PCDHGA3: variants seen among roughly 807,000 people sequenced by gnomAD.
PCDHGA3 encodes the protein protocadherin gamma-A3.
In PCDHGA3, 40 loss-of-function variants were observed where a neutral mutation model predicts 58.5. The ratio of observed to expected loss-of-function variants is 0.68; its 90% CI spans 0.53 to 0.89. PCDHGA3 has a LOEUF of 0.89. PCDHGA3 is among the 40% of genes least tolerant of loss of function. The pLI is 0.00. For missense variants in PCDHGA3, 1,223 were observed against 1,195.9 expected (o/e 1.02, Z -0.33); for synonymous variants, 530 against 525.7 (o/e 1.01, Z -0.11).
rs138542775 is a variant in PCDHGA3, at chr5:141,491,313, C to T, written c.2425-3494C>T. ...ACCCTCCTGAGCGTTCAGACCTTAC[C>T]CTTTACCTCATTGTGGCTCTAGCGA... On this transcript the variant is annotated intron_variant, in intron 1 of 3. Transcript: ENST00000253812. This position sits in a 1 kb window ranked among gnomAD's most constrained non-coding sequence, Gnocchi z 6.9. 405 of 1,614,154 alleles carry T rather than the reference C, an allele frequency of 2.5e-4. 2 individuals are homozygous for T. In the African/African-American group the frequency reaches 4.5e-3, roughly 18 times the overall value.
In PCDHGA3 at chr5:141,405,166, A is replaced by G. The variant is rs1303146593; in HGVS notation, c.2424+58709A>G. The G allele has an allele frequency of 9.3e-6, 15 of 1,613,862 alleles. No individual in the cohort carries two copies. In the East Asian group the frequency reaches 3.3e-4, roughly 36 times the overall value. On this transcript the variant is annotated intron_variant, in intron 1 of 3. Coordinates refer to ENST00000253812, the MANE Select transcript of PCDHGA3 (RefSeq NM_018916.4). Reference sequence around the variant, plus strand: ...ATGGGTTGGCTGGTGTGCCCACCTCACACTTTGTGGGTGTAGATGGGGTTC... The same window carrying G: ...ATGGGTTGGCTGGTGTGCCCACCTCGCACTTTGTGGGTGTAGATGGGGTTC...
intron 1 of PCDHGA3, chr5:141,422,453 G>GA: frequency 6.2e-7 from 1 of 1,611,704 alleles, no homozygotes. Context: ...ATAACAAGCA[G>GA]AGTGCTGGAC....
intron 1 of PCDHGA3, chr5:141,399,841 G>C: frequency 6.2e-7 from 1 of 1,613,086 alleles, no homozygotes; most frequent in Non-Finnish European, 8.5e-7. Context: ...TGCGCTCTTC[G>C]ATATGGTGCC....
intron 2 of PCDHGA3, among the ~76,000 whole-genome samples, chr5:141,504,490 TGC>T (rs2099838709): frequency 6.6e-6 from 1 of 152,056 alleles, no homozygotes; most frequent in Non-Finnish European, 1.5e-5. Flanking sequence ...TGGAGGCACC[TGC>T]CCAGTCTGAG....
chr5:141,358,805 A>G (rs1327444568), intron 1 of PCDHGA3, among the ~76,000 whole-genome samples: 1 of 152,166 alleles, frequency 6.6e-6, no homozygotes, highest in South Asian at 2.1e-4. Flanking sequence ...GACTGATATG[A>G]TTTACGCTGC....
At chr5:141,355,451 T>A (rs1759859911) in intron 1 of PCDHGA3, 3 of 1,613,958 alleles carry the variant, frequency 1.9e-6, no homozygotes, top group Non-Finnish European at 2.5e-6. Flanking sequence ...AGCGGCACCT[T>A]GGTCACCGCG....
At chr5:141,375,038 G>T in intron 1 of PCDHGA3, 1 of 1,614,038 alleles carries the variant, frequency 6.2e-7, no homozygotes, top group Non-Finnish European at 8.5e-7. Context: ...TGAGCTGGGT[G>T]TTGAAGCCCG....
intron 1 of PCDHGA3, among the ~76,000 whole-genome samples, chr5:141,453,261 A>G (rs1387512741): frequency 6.6e-6 from 1 of 152,028 alleles, no homozygotes; most frequent in Non-Finnish European, 1.5e-5. Context: ...CTGCAAGTGC[A>G]CACCACCATG....
chr5:141,393,789 G>C lies in PCDHGA3; in HGVS notation c.2424+47332G>C, dbSNP rs889575374. On this transcript the variant is annotated intron_variant, in intron 1 of 3. Transcript: ENST00000253812. ...GGAAATACAAGCCGAAGATGTGGGGGCACTTCTGGGGAGGACCAAATTGCT... is the reference window on the plus strand; with the variant it reads ...GGAAATACAAGCCGAAGATGTGGGGCCACTTCTGGGGAGGACCAAATTGCT... The C allele has an allele frequency of 1.9e-6, 3 of 1,613,840 alleles. No homozygotes were observed. The African/African-American group carries it at 4.0e-5, about 22-fold the overall frequency.
chr5:141,350,086 C>G, intron 1 of PCDHGA3: 1 of 443,952 alleles, frequency 2.3e-6, no homozygotes, highest in Non-Finnish European at 3.8e-6. Context: ...TCTGCAGGAG[C>G]GTCAGGCAGG....
At chr5:141,384,478 G>T (rs1350381914) in intron 1 of PCDHGA3, 1 of 1,613,986 alleles carries the variant, frequency 6.2e-7, no homozygotes, top group African/African-American at 1.3e-5. Flanking sequence ...GCAGTTGAGA[G>T]AACTACAACT....
Position 141,478,415 on chromosome 5 carries a change from C to A in PCDHGA3, c.2425-16392C>A, listed in dbSNP as rs182700706. 5.6e-6 allele frequency: 9 copies of A among 1,613,648 alleles called. No homozygotes were observed. In the East Asian group the frequency reaches 2.0e-4, roughly 36 times the overall value. ...TCAGGTGTATCTCACCACGGACTCC[C>A]GCCGCAGCGACCCGCTGCTGAAGAA... On this transcript the variant is annotated intron_variant, in intron 1 of 3. Coordinates refer to ENST00000253812, the MANE Select transcript of PCDHGA3 (RefSeq NM_018916.4).
At position 141,344,283 on chromosome 5, in the gene PCDHGA3, T is replaced by C. The variant is rs1757395793; in HGVS notation, c.250T>C (p.Leu84=). 1.2e-6 allele frequency: 2 copies of C among 1,613,966 alleles called. No homozygotes were observed. Among genetic ancestry groups the C allele is most frequent in the East Asian group, 2.2e-5 (1 of 44,894 alleles). Residue 84 remains leucine (L), a synonymous_variant, in exon 1 of 4, where the codon TTG becomes CTG. Coordinates refer to ENST00000253812, the MANE Select transcript of PCDHGA3 (RefSeq NM_018916.4). ...LFSLNPQSGS[L]VTAERIDREE... ...CTCTCTGAATCCGCAAAGCGGCAGC[T>C]TGGTCACCGCGGAGAGGATAGACCG...
intron 1 of PCDHGA3, chr5:141,364,463 G>C: frequency 6.2e-7 from 1 of 1,614,000 alleles, no homozygotes; most frequent in Admixed American, 1.7e-5. Context: ...AGGCTCCTTC[G>C]TCGGCAACAT....
intron 1 of PCDHGA3, chr5:141,405,448 C>A: frequency 5.3e-6 from 7 of 1,314,660 alleles, no homozygotes; most frequent in South Asian, 1.3e-5. Context: ...GAGACAGAGT[C>A]TTACTCTGTT....
chr5:141,465,210 AT>A (rs1374516492), intron 1 of PCDHGA3, among the ~76,000 whole-genome samples: 4 of 152,032 alleles, frequency 2.6e-5, no homozygotes, highest in African/African-American at 9.7e-5. Flanking sequence ...TATAAGCTTT[AT>A]TTTTCAACAT....
At chr5:141,416,687 A>G (rs1283053610) in intron 1 of PCDHGA3, 1 of 152,270 alleles carries the variant, frequency 6.6e-6, no homozygotes, top group Non-Finnish European at 1.5e-5. Flanking sequence ...GGGAAATTAT[A>G]TAAACAAAGG....
At chr5:141,351,779 AGCGGGGTGGTG>A (rs755558848) in intron 1 of PCDHGA3, 1 of 1,613,332 alleles carries the variant, frequency 6.2e-7, no homozygotes, top group African/African-American at 1.3e-5. Flanking sequence ...GAGCCCGCAG[AGCGGGGTGGTG>A]TTCGCGCAGC....
At chr5:141,399,816 G>T (rs1399321740) in intron 1 of PCDHGA3, 1 of 1,613,196 alleles carries the variant, frequency 6.2e-7, no homozygotes, top group Non-Finnish European at 8.5e-7. Flanking sequence ...ACCCCGCGCT[G>T]GGTCCCGACG....
Sources: gnomAD v4.1 joint callset for allele counts (sites outside exome capture counted in the v4.1 genomes callset) on GRCh38, gnomAD v4.1.1 for gene constraint, Gnocchi (gnomAD v3.1) non-coding constraint, MANE v1.5 for transcripts, NCBI Gene and HGNC (gene_info 2026-07-23, HGNC 2026-07-21) for gene names.